The following CTRL variants were observed in gnomAD, a reference collection of about 807,000 sequenced individuals.
CTRL encodes chymotrypsin like.
CTRL carries 38 observed loss-of-function variants against 35.5 expected under a neutral mutation model. The ratio of observed to expected loss-of-function variants is 1.07; its 90% CI spans 0.83 to 1.40. The LOEUF is 1.40. Among genes scored for constraint, CTRL ranks in the 40% most tolerant of loss-of-function variants. The probability of loss-of-function intolerance (pLI) is 0.00; values close to 1 mark genes in which losing one functional copy is unlikely to be tolerated. For missense variants in CTRL, 327 were observed against 342.9 expected (o/e 0.95, Z 0.37); for synonymous variants, 155 against 141.1 (o/e 1.10, Z -0.70).
chr16:67,930,684 C>G lies in CTRL; in HGVS notation c.318+42G>C, dbSNP rs531617476. On this transcript the variant is annotated intron_variant, in intron 4 of 6. Transcript: ENST00000574481. This position sits in a 1 kb window ranked among gnomAD's most constrained non-coding sequence, Gnocchi z 4.3. Reference sequence around the variant, plus strand: ...CTCGTTCCCAGCACCCACCCACCTGCACTGCCCACTTTTCCTCCGTGTCTG... The same window carrying G: ...CTCGTTCCCAGCACCCACCCACCTGGACTGCCCACTTTTCCTCCGTGTCTG... The G allele has an allele frequency of 6.2e-7, 1 of 1,611,836 alleles. No homozygotes were observed. The highest frequency in any genetic ancestry group is 1.7e-5 in the Admixed American group (1 of 59,994).
chr16:67,929,879 A>T lies in CTRL; in HGVS notation c.*55T>A, dbSNP rs556387158. On this transcript the variant is annotated 3_prime_UTR_variant, in exon 7 of 7. Transcript: ENST00000574481. ...CCAGGAAGACAGACATGAATGCATG[A>T]TGGGACAGGGCCTGGGTCTTTAATG... The T allele has an allele frequency of 6.4e-7, 1 of 1,573,058 alleles. No individual in the cohort carries two copies. Among genetic ancestry groups the T allele is most frequent in the South Asian group, 1.1e-5 (1 of 89,328 alleles).
Position 67,930,103 on chromosome 16 carries a change from G to T in CTRL, c.634-8C>A. The stretch of plus-strand genomic sequence containing the variant: ...AGGGCCTCCGGAGTCACCCTGAGAG[G>T]GAAGAGGGAGGGAGAATTGAGTAGG... On this transcript the variant is annotated splice_region_variant and splice_polypyrimidine_tract_variant and intron_variant, in intron 6 of 6. Coordinates refer to ENST00000574481, the MANE Select transcript of CTRL (RefSeq NM_001907.3). This position sits in a 1 kb window ranked among gnomAD's most constrained non-coding sequence, Gnocchi z 4.3. The T allele has an allele frequency of 6.2e-7, 1 of 1,613,982 alleles. No homozygotes were observed. Among genetic ancestry groups the T allele is most frequent in the Non-Finnish European group, 8.5e-7 (1 of 1,179,848 alleles).
In CTRL at chr16:67,930,306, G is replaced by A. The variant is rs369956891; in HGVS notation, c.512C>T (p.Pro171Leu). 22 of 1,613,888 alleles carry A rather than the reference G, an allele frequency of 1.4e-5. No homozygotes were observed. Among genetic ancestry groups the A allele is most frequent in the Non-Finnish European group, 1.7e-5 (20 of 1,180,026 alleles). ...GRLSGVGNVT[P>L]AHLQQVALPL... ...CAAAGCCACCTGCTGCAGATGTGCT[G>A]GTGTCACATTGCCTGTGGGCCAGGA... The change falls in exon 6 of 7, where the codon CCA becomes CTA. Residue 171 changes from proline to leucine, a missense_variant. Transcript: ENST00000574481. This position sits in a 1 kb window ranked among gnomAD's most constrained non-coding sequence, Gnocchi z 4.3.
In CTRL at chr16:67,930,265, TCA is replaced by T; in HGVS notation, c.551_552del (p.Val184GlufsTer13). On this transcript the variant is annotated frameshift_variant, in exon 6 of 7. Transcript: ENST00000574481. LOFTEE classifies it high-confidence loss of function. This position sits in a 1 kb window ranked among gnomAD's most constrained non-coding sequence, Gnocchi z 4.3. Reference sequence around the variant, plus strand: ...GAGCCCCAGTACTGCCGGCACTGATTCACAGTGACCAGGGGCAAAGCCACCTG... The same window carrying T: ...GAGCCCCAGTACTGCCGGCACTGATTCAGTGACCAGGGGCAAAGCCACCTG... Reference protein sequence around the residue: ...LQQVALPLVTVNQCRQYWGSS... With the variant: ...LQQVALPLVTXNQCRQYWGSS... 1 of 1,613,978 alleles carries T rather than the reference TCA, an allele frequency of 6.2e-7. No individual in the cohort carries two copies. The highest frequency in any genetic ancestry group is 8.5e-7 in the Non-Finnish European group (1 of 1,179,962).
intron 2 of CTRL, 35 bp downstream of exon 2, chr16:67,931,061 CGT>C: frequency 6.2e-7 from 1 of 1,613,496 alleles, no homozygotes; most frequent in Non-Finnish European, 8.5e-7. Context: ...CTAGGCATGA[CGT>C]ACCCAGGACC....
chr16:67,930,481 C>T lies in CTRL; in HGVS notation c.426G>A (p.Leu142=). ...CAGTCAGAGCCTCGTTTGAGGATGC[C>T]AGGCAAACTGGCGAGATGCGTGTTG... The part of the protein sequence containing the change: ...QYTTRISPVC[L]ASSNEALTEG... Residue 142 remains leucine (L), a synonymous_variant, in exon 5 of 7, where the codon CTG becomes CTA. Coordinates refer to ENST00000574481, the MANE Select transcript of CTRL (RefSeq NM_001907.3). The surrounding 1 kb of genome is among the most constrained non-coding windows in gnomAD (Gnocchi z 4.3). 2 of 1,614,152 alleles carry T rather than the reference C, an allele frequency of 1.2e-6. No homozygotes were observed.
In CTRL at chr16:67,930,502, T is replaced by C. The variant is rs780263014; in HGVS notation, c.405A>G (p.Thr135=). 4 of 1,613,952 alleles carry C rather than the reference T, an allele frequency of 2.5e-6. No individual in the cohort carries two copies. The African/African-American group carries it at 4.0e-5, about 16-fold the overall frequency. The stretch of plus-strand genomic sequence containing the variant: ...ATGCCAGGCAAACTGGCGAGATGCG[T>C]GTTGTGTACTGGGCTGGCGAGGCGA... ...LKLASPAQYT[T]RISPVCLASS... The change falls in exon 5 of 7, where the codon ACA becomes ACG. Residue 135 remains threonine, a synonymous_variant. Coordinates refer to ENST00000574481, the MANE Select transcript of CTRL (RefSeq NM_001907.3). This position sits in a 1 kb window ranked among gnomAD's most constrained non-coding sequence, Gnocchi z 4.3.
In CTRL at chr16:67,931,086, CTGG is replaced by C; in HGVS notation, c.156+9_156+11del. 6.2e-7 allele frequency: 1 copy of C among 1,613,874 alleles called. No homozygotes were observed. The highest frequency in any genetic ancestry group is 8.5e-7 in the Non-Finnish European group (1 of 1,179,850). ...CGTACCCAGGACCCTGCCCACCCCTCTGGTGGTGTACCTGCAGGGACACCTGCC... is the reference window on the plus strand; with the variant it reads ...CGTACCCAGGACCCTGCCCACCCCTCTGGTGTACCTGCAGGGACACCTGCC... On this transcript the variant is annotated intron_variant, in intron 2 of 6. Transcript: ENST00000574481.
intron 2 of CTRL, 36 bp from the exon 3 acceptor site, chr16:67,931,035 G>A (rs372860226): frequency 1.2e-5 from 19 of 1,613,396 alleles, no homozygotes; most frequent in Non-Finnish European, 1.4e-5. Flanking sequence ...GTGGGGGTGG[G>A]CTGCTGAGGC....
In CTRL at chr16:67,930,493, C is replaced by T. The variant is rs560251808; in HGVS notation, c.414G>A (p.Ser138=). 1.4e-5 allele frequency: 22 copies of T among 1,614,124 alleles called. No individual in the cohort carries two copies. In the South Asian group the frequency reaches 1.6e-4, roughly 12 times the overall value. ...CGTTTGAGGATGCCAGGCAAACTGG[C>T]GAGATGCGTGTTGTGTACTGGGCTG... ...ASPAQYTTRI[S]PVCLASSNEA... Residue 138 remains serine, a synonymous_variant, in exon 5 of 7, where the codon TCG becomes TCA. Coordinates refer to ENST00000574481, the MANE Select transcript of CTRL (RefSeq NM_001907.3). This position sits in a 1 kb window ranked among gnomAD's most constrained non-coding sequence, Gnocchi z 4.3.
In CTRL at chr16:67,930,044, T is replaced by A. The variant is rs1229004586; in HGVS notation, c.685A>T (p.Ile229Phe). 2 of 1,613,966 alleles carry A rather than the reference T, an allele frequency of 1.2e-6. No homozygotes were observed. The highest frequency in any genetic ancestry group is 3.3e-5 in the Admixed American group (2 of 59,996). The part of the protein sequence containing the change: ...VCQKGNTWVL[I>F]GIVSWGTKNC... ...TTGGTGCCCCAGGAGACAATACCAA[T>A]AAGCACCCATGTGTTTCCCTTCTGG... Residue 229 changes from isoleucine (I) to phenylalanine (F), a missense_variant, in exon 7 of 7, where the codon ATT (isoleucine) becomes TTT (phenylalanine). Physicochemically the swap from Ile to Phe is conservative, Grantham distance 21 (BLOSUM62 0). Transcript: ENST00000574481. The surrounding 1 kb of genome is among the most constrained non-coding windows in gnomAD (Gnocchi z 4.3).
At position 67,930,338 on chromosome 16, in the gene CTRL, G is replaced by A. The variant is rs753144410; in HGVS notation, c.500-20C>T. The A allele has an allele frequency of 6.2e-7, 1 of 1,613,726 alleles. No individual in the cohort carries two copies. Among genetic ancestry groups the A allele is most frequent in the Admixed American group, 1.7e-5 (1 of 60,010 alleles). On this transcript the variant is annotated intron_variant, in intron 5 of 6. Coordinates refer to ENST00000574481, the MANE Select transcript of CTRL (RefSeq NM_001907.3). This position sits in a 1 kb window ranked among gnomAD's most constrained non-coding sequence, Gnocchi z 4.3. ...CATTGCCTGTGGGCCAGGAGGGGTG[G>A]TCACATGGGGCCCAGAACACTGGTC... is the stretch of plus-strand genomic sequence containing the variant.
chr16:67,930,820 G>A lies in CTRL; in HGVS notation c.237-13C>T, dbSNP rs775643244. 3 of 1,613,898 alleles carry A rather than the reference G, an allele frequency of 1.9e-6. No homozygotes were observed. In the South Asian group the frequency reaches 3.3e-5, roughly 18 times the overall value. On this transcript the variant is annotated splice_polypyrimidine_tract_variant and intron_variant, in intron 3 of 6. Coordinates refer to ENST00000574481, the MANE Select transcript of CTRL (RefSeq NM_001907.3). This position sits in a 1 kb window ranked among gnomAD's most constrained non-coding sequence, Gnocchi z 4.3. ...ATGGCGGCCAGGGCTGCAAGGGGGT[G>A]GGATTAGGCAGCTGCAGGGAGGCCA...
Position 67,930,126 on chromosome 16 carries a change from AGG to A in CTRL, c.634-33_634-32del. On this transcript the variant is annotated intron_variant, in intron 6 of 6. Coordinates refer to ENST00000574481, the MANE Select transcript of CTRL (RefSeq NM_001907.3). This position sits in a 1 kb window ranked among gnomAD's most constrained non-coding sequence, Gnocchi z 4.3. The stretch of plus-strand genomic sequence containing the variant: ...AGGGAAGAGGGAGGGAGAATTGAGT[AGG>A]GGGGGTTGGGGAGGTATACCACAGG... The A allele has an allele frequency of 6.2e-7, 1 of 1,613,442 alleles. No homozygotes were observed. Among genetic ancestry groups the A allele is most frequent in the Non-Finnish European group, 8.5e-7 (1 of 1,179,626 alleles).
At chr16:67,931,328 C>T in intron 1 of CTRL, 127 bp from the exon 2 acceptor site, 1 of 852,592 alleles carries the variant, frequency 1.2e-6, no homozygotes, top group Non-Finnish European at 1.9e-6. Context: ...ACCCCTTCCC[C>T]AACAGGGTAC....
At position 67,930,158 on chromosome 16, in the gene CTRL, C is replaced by A. The variant is rs201248168; in HGVS notation, c.633+27G>T. ...GTTGGGGAGGTATACCACAGGACAG[C>A]GCAGAGGAGCGGGTGCTGGGGCTTA... On this transcript the variant is annotated intron_variant, in intron 6 of 6. Transcript: ENST00000574481. The surrounding 1 kb of genome is among the most constrained non-coding windows in gnomAD (Gnocchi z 4.3). 181 of 1,613,600 alleles carry A rather than the reference C, an allele frequency of 1.1e-4. No individual in the cohort carries two copies. The highest frequency in any genetic ancestry group is 1.5e-4 in the Admixed American group (9 of 59,988).
Position 67,930,632 on chromosome 16 carries a change from G to C in CTRL, c.319-44C>G. Reference sequence around the variant, plus strand: ...TCCATGTTCTGATGGGTGCTGAGCAGGGTAGGCCAGGGCATGTCCTGAATT... The same window carrying C: ...TCCATGTTCTGATGGGTGCTGAGCACGGTAGGCCAGGGCATGTCCTGAATT... On this transcript the variant is annotated intron_variant, in intron 4 of 6. Transcript: ENST00000574481. This position sits in a 1 kb window ranked among gnomAD's most constrained non-coding sequence, Gnocchi z 4.3. The C allele has an allele frequency of 6.2e-7, 1 of 1,608,420 alleles. No individual in the cohort carries two copies. The highest frequency in any genetic ancestry group is 8.5e-7 in the Non-Finnish European group (1 of 1,175,170).
rs199681957 is a variant in CTRL, at chr16:67,930,598, C to T, written c.319-10G>A. The T allele has an allele frequency of 2.2e-5, 36 of 1,612,598 alleles. No individual in the cohort carries two copies. Among genetic ancestry groups the T allele is most frequent in the African/African-American group, 2.7e-5 (2 of 74,990 alleles). ...TAGGGTGTGTAATGGCCTGTGGGGT[C>T]AGAAACAGTCCATGTTCTGATGGGT... On this transcript the variant is annotated splice_polypyrimidine_tract_variant and intron_variant, in intron 4 of 6. Coordinates refer to ENST00000574481, the MANE Select transcript of CTRL (RefSeq NM_001907.3). The surrounding 1 kb of genome is among the most constrained non-coding windows in gnomAD (Gnocchi z 4.3).
chr16:67,930,250 A>G lies in CTRL; in HGVS notation c.568T>C (p.Tyr190His). 1 of 1,614,066 alleles carries G rather than the reference A, an allele frequency of 6.2e-7. No individual in the cohort carries two copies. Among genetic ancestry groups the G allele is most frequent in the Non-Finnish European group, 8.5e-7 (1 of 1,180,014 alleles). ...PLVTVNQCRQ[Y>H]WGSSITDSMI... The stretch of plus-strand genomic sequence containing the variant: ...GAGTCAGTGATACTTGAGCCCCAGT[A>G]CTGCCGGCACTGATTCACAGTGACC... The change falls in exon 6 of 7, where the codon TAC becomes CAC. Residue 190 changes from tyrosine to histidine, a missense_variant. Physicochemically the swap from Tyr to His is moderately conservative, Grantham distance 83. Coordinates refer to ENST00000574481, the MANE Select transcript of CTRL (RefSeq NM_001907.3). The surrounding 1 kb of genome is among the most constrained non-coding windows in gnomAD (Gnocchi z 4.3).
Sources: allele counts gnomAD v4.1 joint callset, GRCh38; gene constraint gnomAD v4.1.1; non-coding constraint Gnocchi (gnomAD v3.1); transcripts MANE v1.5; gene names NCBI Gene and HGNC (gene_info 2026-07-23, HGNC 2026-07-21).